The following ADAM11 variants were observed in gnomAD, a reference collection of about 807,000 sequenced individuals.
ADAM11 encodes ADAM metallopeptidase domain 11.
A neutral mutation model predicts 119.1 loss-of-function variants in ADAM11; 49 were observed. That is an observed-to-expected ratio of 0.41 (90% confidence interval 0.33 to 0.52). The LOEUF (loss-of-function observed/expected upper bound fraction) is 0.52. Ranked by LOEUF, ADAM11 falls within the 20% of genes least tolerant of loss-of-function variation. The pLI is 0.20. For missense variants in ADAM11, 777 were observed against 1,047.5 expected (o/e 0.74, Z 3.56); for synonymous variants, 364 against 408.0 (o/e 0.89, Z 1.30).
chr17:44,775,085 CG>C lies in ADAM11; in HGVS notation c.1221-123del. On this transcript the variant is annotated intron_variant, in intron 14 of 26. Transcript: ENST00000200557. The surrounding 1 kb of genome is among the most constrained non-coding windows in gnomAD (Gnocchi z 7.5). ...AGGCGGGAGGATTCTGGTGCAATCC[CG>C]GGGCAGATCCTCCGCCTCCTCGCGA... 1.2e-6 allele frequency: 1 copy of C among 857,058 alleles called. No individual in the cohort carries two copies. The highest frequency in any genetic ancestry group is 1.9e-6 in the Non-Finnish European group (1 of 535,056). 53.1% of individuals were successfully genotyped at this position (857,058 alleles called of 1,614,324 possible).
Position 44,777,691 on chromosome 17 carries a change from C to G in ADAM11, c.1902-4C>G. On this transcript the variant is annotated splice_polypyrimidine_tract_variant and splice_region_variant and intron_variant, in intron 22 of 26. Transcript: ENST00000200557. This position sits in a 1 kb window ranked among gnomAD's most constrained non-coding sequence, Gnocchi z 5.1. ...GGCTGAGGCTGGCTGTGTCACTTCC[C>G]CAGGGGAGGCCACGTGCAGCTGGCG... The G allele has an allele frequency of 6.2e-7, 1 of 1,613,720 alleles. No individual in the cohort carries two copies.
At position 44,773,473 on chromosome 17, in the gene ADAM11, A is replaced by G. The variant is rs1177290919; in HGVS notation, c.992+46A>G. ...CTCCTGCCAGCCTCTGCTAGTTGCT[A>G]CAGTGCTTGGGATTACTTAACACCT... On this transcript the variant is annotated intron_variant, in intron 11 of 26. Transcript: ENST00000200557. The surrounding 1 kb of genome is among the most constrained non-coding windows in gnomAD (Gnocchi z 4.6). 4 of 1,595,816 alleles carry G rather than the reference A, an allele frequency of 2.5e-6. No homozygotes were observed. The highest frequency in any genetic ancestry group is 3.4e-6 in the Non-Finnish European group (4 of 1,170,582).
At position 44,772,490 on chromosome 17, in the gene ADAM11, G is replaced by A. The variant is rs1024117152; in HGVS notation, c.678+24G>A. ...AGGTACGGGGGCCCGCACAGACCTC[G>A]GGCTGCAGAGACCTCGGGCTGCAGA... is the stretch of plus-strand genomic sequence containing the variant. On this transcript the variant is annotated intron_variant, in intron 8 of 26. Transcript: ENST00000200557. This position sits in a 1 kb window ranked among gnomAD's most constrained non-coding sequence, Gnocchi z 4.5. 1.5e-5 allele frequency: 23 copies of A among 1,555,492 alleles called. No homozygotes were observed. Among genetic ancestry groups the A allele is most frequent in the Non-Finnish European group, 1.7e-5 (19 of 1,150,404 alleles).
At position 44,777,572 on chromosome 17, in the gene ADAM11, C is replaced by A. The variant is rs375583026; in HGVS notation, c.1872C>A (p.Phe624Leu). The A allele has an allele frequency of 6.2e-7, 1 of 1,614,176 alleles. No individual in the cohort carries two copies. Among genetic ancestry groups the A allele is most frequent in the African/African-American group, 1.3e-5 (1 of 75,048 alleles). The change falls in exon 22 of 27, where the codon TTC becomes TTA. Residue 624 changes from phenylalanine (F) to leucine (L), a missense_variant. Around this residue, in one of 4 missense-constraint regions of ADAM11, gnomAD observed 348 missense variants for 486.7 expected, o/e 0.72. Transcript: ENST00000200557. This position sits in a 1 kb window ranked among gnomAD's most constrained non-coding sequence, Gnocchi z 5.1. The stretch of plus-strand genomic sequence containing the variant: ...TGGGAGACATCAGTAGTGTCACCTT[C>A]TACCACCAGGGCAAGGAGCTGGACT... ...DLVGDISSVT[F>L]YHQGKELDCR...
At position 44,759,181 on chromosome 17, in the gene ADAM11, C is replaced by G; in HGVS notation, c.-19C>G. 1 of 1,339,484 alleles carries G rather than the reference C, an allele frequency of 7.5e-7. No individual in the cohort carries two copies. The highest frequency in any genetic ancestry group is 9.6e-7 in the Non-Finnish European group (1 of 1,044,158). The allele number at this position is 1,339,484 out of a possible 1,614,324, so 83.0% of individuals were successfully genotyped here. A position where few individuals can be genotyped will look rare whatever the true frequency, so the allele number is the denominator to read the frequency against. On this transcript the variant is annotated 5_prime_UTR_variant, in exon 1 of 27. Transcript: ENST00000200557. ...CCGCTGGCAGCCGCAGCCCCCGGAC[C>G]GGGAGGAATGAGCGAGCCATGAGGC...
In ADAM11 at chr17:44,772,987, C is replaced by A; in HGVS notation, c.754-27C>A. ...ACTGGGAGGCCCCTGAGGAGCCTGG[C>A]CCTCCTCCCATTCTTCTCTCTCCCA... is the stretch of plus-strand genomic sequence containing the variant. On this transcript the variant is annotated intron_variant, in intron 9 of 26. Transcript: ENST00000200557. This position sits in a 1 kb window ranked among gnomAD's most constrained non-coding sequence, Gnocchi z 4.5. The A allele has an allele frequency of 1.2e-6, 2 of 1,613,846 alleles. No individual in the cohort carries two copies. Among genetic ancestry groups the A allele is most frequent in the Non-Finnish European group, 1.7e-6 (2 of 1,179,812 alleles).
rs778888364 is a variant in ADAM11, at chr17:44,775,359, C to G, written c.1321-35C>G. 1 of 1,612,794 alleles carries G rather than the reference C, an allele frequency of 6.2e-7. No homozygotes were observed. ...CATGGGAGCGGGCCCTGGGCGGGGTCCGGGCCAGACTCCCGACCTGTCCTC... is the reference window on the plus strand; with the variant it reads ...CATGGGAGCGGGCCCTGGGCGGGGTGCGGGCCAGACTCCCGACCTGTCCTC... On this transcript the variant is annotated intron_variant, in intron 15 of 26. Coordinates refer to ENST00000200557, the MANE Select transcript of ADAM11 (RefSeq NM_002390.6). The surrounding 1 kb of genome is among the most constrained non-coding windows in gnomAD (Gnocchi z 7.5).
intron 26 of ADAM11, 89 bp downstream of exon 26, chr17:44,779,328 G>A (rs777984823): frequency 1.2e-5 from 18 of 1,494,876 alleles, no homozygotes; most frequent in Admixed American, 2.6e-5. Context: ...TCGTCACCCC[G>A]CGTTCTGTTG....
At position 44,772,183 on chromosome 17, in the gene ADAM11, G is replaced by A; in HGVS notation, c.544-84G>A. The A allele has an allele frequency of 3.0e-6, 4 of 1,318,538 alleles. No individual in the cohort carries two copies. The highest frequency in any genetic ancestry group is 4.2e-6 in the Non-Finnish European group (4 of 943,346). 81.7% of individuals were successfully genotyped at this position (1,318,538 alleles called of 1,614,324 possible). On this transcript the variant is annotated intron_variant, in intron 6 of 26. Transcript: ENST00000200557. This position sits in a 1 kb window ranked among gnomAD's most constrained non-coding sequence, Gnocchi z 4.5. ...CTGGGTCACCCCAGGGTGGGGTGGA[G>A]GCGAGGGCTGGATCTGGCCCCCGCC...
At position 44,775,485 on chromosome 17, in the gene ADAM11, C is replaced by G; in HGVS notation, c.1392+20C>G. The G allele has an allele frequency of 6.2e-7, 1 of 1,600,614 alleles. No homozygotes were observed. Among genetic ancestry groups the G allele is most frequent in the Non-Finnish European group, 8.5e-7 (1 of 1,176,626 alleles). On this transcript the variant is annotated intron_variant, in intron 16 of 26. Transcript: ENST00000200557. This position sits in a 1 kb window ranked among gnomAD's most constrained non-coding sequence, Gnocchi z 7.5. ...GTGCAGGTGAGCGGTGGTGCGGGCG[C>G]CAGGTGGGGAACCGGGATGCGGGGG...
Position 44,759,764 on chromosome 17 carries a change from G to T in ADAM11, c.104G>T (p.Gly35Val). The part of the protein sequence containing the change: ...QGPAGALRWG[G>V]LPQLGGPGAP... ...CCTGCTGGAGCTCTGCGATGGGGGG[G>T]CTTACCCCAGCTGGGAGGCCCAGGA... is the stretch of plus-strand genomic sequence containing the variant. Residue 35 changes from glycine to valine, a missense_variant, in exon 2 of 27, where the codon GGC (glycine) becomes GTC (valine). Physicochemically the swap from Gly to Val is moderately radical, Grantham distance 109. Coordinates refer to ENST00000200557, the MANE Select transcript of ADAM11 (RefSeq NM_002390.6). 7.5e-7 allele frequency: 1 copy of T among 1,325,818 alleles called. No individual in the cohort carries two copies. Among genetic ancestry groups the T allele is most frequent in the Non-Finnish European group, 9.7e-7 (1 of 1,030,298 alleles). The allele number at this position is 1,325,818 out of a possible 1,614,324, so 82.1% of individuals were successfully genotyped here. A position where few individuals can be genotyped will look rare whatever the true frequency, so the allele number is the denominator to read the frequency against.
Position 44,776,234 on chromosome 17 carries a change from A to C in ADAM11, c.1566+27A>C. 2 of 1,611,366 alleles carry C rather than the reference A, an allele frequency of 1.2e-6. No homozygotes were observed. The highest frequency in any genetic ancestry group is 1.7e-6 in the Non-Finnish European group (2 of 1,179,038). ...TCCGCCCGGCCCCGCCGTCTTGTGG[A>C]GCCCTGGGCGAGGCAACCCCTACCC... On this transcript the variant is annotated intron_variant, in intron 18 of 26. Transcript: ENST00000200557. The surrounding 1 kb of genome is among the most constrained non-coding windows in gnomAD (Gnocchi z 5.2).
intron 2 of ADAM11, among the ~76,000 whole-genome samples, chr17:44,766,068 G>A (rs914095128): frequency 7.9e-5 from 12 of 152,180 alleles, no homozygotes; most frequent in Admixed American, 3.9e-4. Flanking sequence ...ACTAAAGGTC[G>A]CCCACCTGAA....
At position 44,776,771 on chromosome 17, in the gene ADAM11, C is replaced by T. The variant is rs1185891749; in HGVS notation, c.1593C>T (p.Asp531=). The T allele has an allele frequency of 1.2e-6, 2 of 1,614,202 alleles. No individual in the cohort carries two copies. Among genetic ancestry groups the T allele is most frequent in the Admixed American group, 1.7e-5 (1 of 60,024 alleles). Reference sequence around the variant, plus strand: ...GCCCGCCTAACCTGCACAAGCTGGACGGTTACTACTGTGACCATGAGCAGG... The same window carrying T: ...GCCCGCCTAACCTGCACAAGCTGGATGGTTACTACTGTGACCATGAGCAGG... The part of the protein sequence containing the change: ...SQCPPNLHKL[D]GYYCDHEQGR... The change falls in exon 19 of 27, where the codon GAC becomes GAT. Residue 531 remains aspartate, a synonymous_variant. Coordinates refer to ENST00000200557, the MANE Select transcript of ADAM11 (RefSeq NM_002390.6). This position sits in a 1 kb window ranked among gnomAD's most constrained non-coding sequence, Gnocchi z 5.2.
intron 2 of ADAM11, among the ~76,000 whole-genome samples, chr17:44,762,736 C>A (rs186815652): frequency 6.6e-6 from 1 of 152,252 alleles, no homozygotes; most frequent in East Asian, 1.9e-4. Context: ...GTCCCACCTA[C>A]TACCAGGAGG....
chr17:44,778,878 G>A (rs939316515), intron 25 of ADAM11, among the ~76,000 whole-genome samples: 2 of 152,040 alleles, frequency 1.3e-5, no homozygotes, highest in African/African-American at 4.8e-5. Context: ...CCCAAGCCAG[G>A]CATGTGTCCT....
At chr17:44,762,421 T>C (rs2049400261) in intron 2 of ADAM11, among the ~76,000 whole-genome samples, 1 of 152,152 alleles carries the variant, frequency 6.6e-6, no homozygotes, top group African/African-American at 2.4e-5. Flanking sequence ...TTAGAGCGCT[T>C]TTGGCCTCAG....
chr17:44,761,982 C>G lies in ADAM11; in HGVS notation c.237+2085C>G, dbSNP rs530378769. The stretch of plus-strand genomic sequence containing the variant: ...GGATTACAGACGTGCGCCACCATGC[C>G]TGGCTAATTTTTTGTATTTTTAGTA... On this transcript the variant is annotated intron_variant, in intron 2 of 26. Coordinates refer to ENST00000200557, the MANE Select transcript of ADAM11 (RefSeq NM_002390.6). 2.0e-5 allele frequency among the ~76,000 whole-genome samples: 3 copies of G among 152,250 alleles called. No homozygotes were observed. The East Asian group carries it at 5.8e-4, about 29-fold the overall frequency.
Position 44,780,237 on chromosome 17 carries a change from G to A in ADAM11, c.*483G>A, listed in dbSNP as rs192977459. The stretch of plus-strand genomic sequence containing the variant: ...TGAATGTAAACTCGGGGGTGCTGGG[G>A]CCAGGGCAGATGTGGGGATGTTTTG... On this transcript the variant is annotated 3_prime_UTR_variant, in exon 27 of 27. Coordinates refer to ENST00000200557, the MANE Select transcript of ADAM11 (RefSeq NM_002390.6). 2.3e-6 allele frequency: 1 copy of A among 443,834 alleles called. No individual in the cohort carries two copies. Among genetic ancestry groups the A allele is most frequent in the Admixed American group, 2.8e-5 (1 of 36,086 alleles). 27.5% of individuals were successfully genotyped at this position (443,834 alleles called of 1,614,324 possible).
Sources: allele counts gnomAD v4.1 joint callset (sites outside exome capture counted in the v4.1 genomes callset), GRCh38; gene constraint gnomAD v4.1.1; regional missense constraint gnomAD v4.1.1; non-coding constraint Gnocchi (gnomAD v3.1); transcripts MANE v1.5; gene names NCBI Gene and HGNC (gene_info 2026-07-23, HGNC 2026-07-21).